MAGI2: variants seen among roughly 807,000 people sequenced by gnomAD.
The protein encoded by MAGI2 is membrane-associated guanylate kinase, WW and PDZ domain-containing protein 2.
MAGI2 carries 35 observed loss-of-function variants against 133.3 expected under a neutral mutation model. That is an observed-to-expected ratio of 0.26 (90% confidence interval 0.20 to 0.35). MAGI2 has a LOEUF of 0.35. Ranked by LOEUF, MAGI2 falls within the 10% of genes least tolerant of loss-of-function variation. MAGI2 has a pLI of 1.00. For synonymous variants in MAGI2, 729 were observed against 710.6 expected (o/e 1.03, Z -0.41); for missense variants, 1,636 against 1,863.4 (o/e 0.88, Z 2.25).
intron 1 of MAGI2, among the ~76,000 whole-genome samples, chr7:79,146,717 T>C (rs1221048008): frequency 6.6e-6 from 1 of 152,244 alleles, no homozygotes; most frequent in Non-Finnish European, 1.5e-5. Flanking sequence ...ATCATGATTG[T>C]GAGGCCTCCC....
chr7:78,416,476 G>A (rs530314747), intron 6 of MAGI2, among the ~76,000 whole-genome samples: 3 of 152,176 alleles, frequency 2.0e-5, no homozygotes, highest in East Asian at 3.9e-4. Flanking sequence ...GTATTCCAGG[G>A]CCTATTACAG....
chr7:78,110,481 A>C (rs1819246238), intron 20 of MAGI2, among the ~76,000 whole-genome samples: 1 of 152,226 alleles, frequency 6.6e-6, no homozygotes, highest in Non-Finnish European at 1.5e-5. Context: ...AATTCAGGCT[A>C]GGCATTTATG....
intron 1 of MAGI2, among the ~76,000 whole-genome samples, chr7:79,171,496 G>T (rs1254164963): frequency 6.6e-6 from 1 of 151,456 alleles, no homozygotes; most frequent in Admixed American, 6.6e-5. Flanking sequence ...GACATAATTT[G>T]ATTCCTAAGA....
At chr7:78,280,144 T>TG (rs1227766462) in intron 9 of MAGI2, among the ~76,000 whole-genome samples, 3 of 152,240 alleles carry the variant, frequency 2.0e-5, no homozygotes, top group East Asian at 3.9e-4. Context: ...GCATAGTTTC[T>TG]GGGGGATTTG....
At chr7:79,083,116 A>T (rs1693272078) in intron 1 of MAGI2, among the ~76,000 whole-genome samples, 1 of 151,486 alleles carries the variant, frequency 6.6e-6, no homozygotes, top group Non-Finnish European at 1.5e-5. Context: ...AAGTTCATGT[A>T]ATCTGTTAAT....
chr7:78,368,916 G>C (rs1793649777), intron 7 of MAGI2, among the ~76,000 whole-genome samples: 1 of 152,074 alleles, frequency 6.6e-6, no homozygotes, highest in Non-Finnish European at 1.5e-5. Flanking sequence ...TTAGAGGACA[G>C]TGTGAAACAC....
intron 1 of MAGI2, among the ~76,000 whole-genome samples, chr7:79,158,372 A>T (rs1191370226): frequency 6.6e-6 from 1 of 152,122 alleles, no homozygotes; most frequent in Non-Finnish European, 1.5e-5. Flanking sequence ...TTAAAAAAAG[A>T]CTAGTCAAAT....
intron 2 of MAGI2, among the ~76,000 whole-genome samples, chr7:78,756,294 C>T (rs1287153968): frequency 6.6e-6 from 1 of 152,190 alleles, no homozygotes; most frequent in Non-Finnish European, 1.5e-5. Context: ...GTAATTACTG[C>T]AAAGACTGAA....
chr7:78,748,053 C>T (rs970380577), intron 2 of MAGI2, among the ~76,000 whole-genome samples: 2 of 151,990 alleles, frequency 1.3e-5, no homozygotes, highest in Non-Finnish European at 2.9e-5. Flanking sequence ...TTTCTTTTAA[C>T]ATCAGCTTTT....
chr7:78,269,917 T>C (rs577714886), intron 9 of MAGI2, among the ~76,000 whole-genome samples: 1 of 152,250 alleles, frequency 6.6e-6, no homozygotes, highest in Non-Finnish European at 1.5e-5. Flanking sequence ...TTTAAGTCTT[T>C]AATCCATCTT....
At chr7:78,985,542 G>T (rs1038241156) in intron 2 of MAGI2, among the ~76,000 whole-genome samples, 1 of 151,414 alleles carries the variant, frequency 6.6e-6, no homozygotes, top group Admixed American at 6.6e-5. Context: ...GGAGATGTGG[G>T]CTTTCACCAT....
chr7:78,638,891 A>G (rs1248467950), intron 2 of MAGI2, among the ~76,000 whole-genome samples: 1 of 152,230 alleles, frequency 6.6e-6, no homozygotes, highest in East Asian at 1.9e-4. Flanking sequence ...TTTATTATTT[A>G]GCAGATAATG....
intron 2 of MAGI2, among the ~76,000 whole-genome samples, chr7:78,838,301 G>C (rs1217741259): frequency 1.3e-5 from 2 of 151,938 alleles, no homozygotes; most frequent in Non-Finnish European, 2.9e-5. Context: ...TGTATTTGAA[G>C]GTTGCCACTG....
chr7:78,854,809 A>T (rs1793481805), intron 2 of MAGI2, among the ~76,000 whole-genome samples: 1 of 152,032 alleles, frequency 6.6e-6, no homozygotes, highest in South Asian at 2.1e-4. Flanking sequence ...TCAGTAAAAC[A>T]TGTTTAAGCA....
At chr7:78,323,906 G>A (rs16885926) in intron 9 of MAGI2, among the ~76,000 whole-genome samples, 27,069 of 151,982 alleles carry the variant, frequency 0.18, 3,768 homozygotes, top group African/African-American at 0.37. Flanking sequence ...ATGAGGGTTG[G>A]GAGCAAAAAC....
intron 6 of MAGI2, among the ~76,000 whole-genome samples, chr7:78,463,105 C>A (rs1790236938): frequency 1.3e-5 from 2 of 152,134 alleles, no homozygotes; most frequent in Non-Finnish European, 2.9e-5. Context: ...AAGGATGGTT[C>A]TTGATGTAAT....
At chr7:78,185,420 A>C (rs1398843325) in intron 13 of MAGI2, 6 of 406,422 alleles carry the variant, frequency 1.5e-5, no homozygotes, top group Non-Finnish European at 2.6e-5. Context: ...AAATTCATGA[A>C]TATGACTGTT....
intron 1 of MAGI2, among the ~76,000 whole-genome samples, chr7:79,447,836 G>A (rs1848969703): frequency 6.6e-6 from 1 of 151,746 alleles, no homozygotes; most frequent in Non-Finnish European, 1.5e-5. Context: ...TATTTTTGCT[G>A]AATTTGATGC....
At chr7:79,317,715 T>G (rs1462498760) in intron 1 of MAGI2, among the ~76,000 whole-genome samples, 1 of 152,142 alleles carries the variant, frequency 6.6e-6, no homozygotes, top group Non-Finnish European at 1.5e-5. Flanking sequence ...GGCCACTGGC[T>G]CTCATACTGG....
Sources: allele counts gnomAD v4.1 joint callset (sites outside exome capture counted in the v4.1 genomes callset), GRCh38; gene constraint gnomAD v4.1.1; transcripts MANE v1.5; gene names NCBI Gene and HGNC (gene_info 2026-07-23, HGNC 2026-07-21).